The following FOXP2 variants were observed in gnomAD, a reference collection of about 807,000 sequenced individuals.
The protein encoded by FOXP2 is forkhead box P2, also known as forkhead box protein P2.
FOXP2 carries 12 observed loss-of-function variants against 115.8 expected under a neutral mutation model. The ratio of observed to expected loss-of-function variants is 0.10; its 90% CI spans 0.07 to 0.17. FOXP2 has a LOEUF of 0.17. Ranked by LOEUF, FOXP2 falls within the 10% of genes least tolerant of loss-of-function variation. The pLI, the probability that FOXP2 is intolerant of heterozygous loss-of-function variation, is 1.00. For synonymous variants in FOXP2, 328 were observed against 297.7 expected, an observed-to-expected ratio of 1.10 and a Z score of -1.05; for missense variants, 629 against 843.5, an observed-to-expected ratio of 0.75 and a Z score of 3.15.
chr7:114,259,013 A>G (rs1795685601), intron 1 of FOXP2, among the ~76,000 whole-genome samples: 1 of 152,178 alleles, frequency 6.6e-6, no homozygotes, highest in African/African-American at 2.4e-5. Flanking sequence ...AGAGTATGTT[A>G]GAGGTCCCAG....
intron 1 of FOXP2, among the ~76,000 whole-genome samples, chr7:114,256,273 T>TG (rs1795610720): frequency 6.6e-6 from 1 of 152,060 alleles, no homozygotes; most frequent in African/African-American, 2.4e-5. Context: ...TGGCTAATTT[T>TG]TTTGTATTTT....
intron 2 of FOXP2, among the ~76,000 whole-genome samples, chr7:114,431,681 A>G (rs1794120044): frequency 6.6e-6 from 1 of 151,910 alleles, no homozygotes; most frequent in Non-Finnish European, 1.5e-5. Flanking sequence ...CTGTAATTGT[A>G]ATTTTTATTA....
At chr7:114,096,612 C>T (rs996138280) in intron 1 of FOXP2, among the ~76,000 whole-genome samples, 6 of 152,066 alleles carry the variant, frequency 3.9e-5, no homozygotes, top group African/African-American at 1.4e-4. Context: ...ACATCTCATT[C>T]CCATTGGGCT....
intron 1 of FOXP2, among the ~76,000 whole-genome samples, chr7:114,112,917 C>T (rs553956526): frequency 3.3e-5 from 5 of 152,012 alleles, no homozygotes; most frequent in Admixed American, 6.6e-5. Context: ...TCATTTCATC[C>T]GGTTGTCTTC....
At chr7:114,420,044 C>T (rs1261935260) in intron 1 of FOXP2, among the ~76,000 whole-genome samples, 2 of 151,784 alleles carry the variant, frequency 1.3e-5, no homozygotes, top group Admixed American at 6.6e-5. Context: ...AATGAGGATC[C>T]GTGGAAGAGC....
chr7:114,373,591 A>G (rs1268211845), intron 2 of FOXP2, among the ~76,000 whole-genome samples: 1 of 152,230 alleles, frequency 6.6e-6, no homozygotes, highest in Non-Finnish European at 1.5e-5. Context: ...AAGGAAATTT[A>G]CAAGTTGTTG....
chr7:114,409,900 C>T (rs1793123879), upstream of FOXP2, among the ~76,000 whole-genome samples: 1 of 152,046 alleles, frequency 6.6e-6, no homozygotes. Context: ...CAGTTTCAGA[C>T]CTAACTCACC....
intron 3 of FOXP2, 137 bp downstream of exon 3, chr7:114,534,843 T>C: frequency 1.4e-6 from 1 of 714,170 alleles, no homozygotes; most frequent in Non-Finnish European, 2.5e-6. Flanking sequence ...ATAAAGAGAA[T>C]TCATTTTATC....
At chr7:114,308,925 T>C (rs939965322) in intron 2 of FOXP2, among the ~76,000 whole-genome samples, 1 of 152,168 alleles carries the variant, frequency 6.6e-6, no homozygotes, top group African/African-American at 2.4e-5. Context: ...AAAAGACCGA[T>C]ATAGTCAATT....
chr7:114,680,676 C>T (rs549087930), intron 16 of FOXP2, among the ~76,000 whole-genome samples: 7 of 150,604 alleles, frequency 4.6e-5, no homozygotes, highest in Non-Finnish European at 8.8e-5. Context: ...CCCGGGAAGG[C>T]GGAGGTTGCA....
At chr7:114,646,560 T>G (rs568437480) in intron 8 of FOXP2, among the ~76,000 whole-genome samples, 2 of 152,194 alleles carry the variant, frequency 1.3e-5, no homozygotes, top group African/African-American at 4.8e-5. Flanking sequence ...TGACCATTTT[T>G]CCAACCCATT....
intron 2 of FOXP2, among the ~76,000 whole-genome samples, chr7:114,522,058 G>A (rs1798649951): frequency 6.6e-6 from 1 of 152,162 alleles, no homozygotes; most frequent in Non-Finnish European, 1.5e-5. Flanking sequence ...GGTTATAAAA[G>A]ATGATTTAGA....
At chr7:114,327,345 T>C (rs1013280435) in intron 2 of FOXP2, among the ~76,000 whole-genome samples, 1 of 152,178 alleles carries the variant, frequency 6.6e-6, no homozygotes, top group African/African-American at 2.4e-5. Flanking sequence ...TTAAAATTCT[T>C]ATCTGGTCTA....
At chr7:114,612,253 G>A (rs563293388) in intron 3 of FOXP2, among the ~76,000 whole-genome samples, 3 of 152,008 alleles carry the variant, frequency 2.0e-5, no homozygotes, top group Admixed American at 6.6e-5. Flanking sequence ...CCTATATTAC[G>A]CCCAGCTGCC....
chr7:114,172,419 T>G (rs1049597677), intron 1 of FOXP2, among the ~76,000 whole-genome samples: 1 of 152,160 alleles, frequency 6.6e-6, no homozygotes, highest in Non-Finnish European at 1.5e-5. Flanking sequence ...CTATGATATT[T>G]TAATGTTGGA....
intron 2 of FOXP2, among the ~76,000 whole-genome samples, chr7:114,312,289 C>G (rs1321361426): frequency 6.6e-6 from 1 of 152,062 alleles, no homozygotes; most frequent in Admixed American, 6.5e-5. Flanking sequence ...ATTCTTTTTG[C>G]TTTTAGAAGA....
At chr7:114,185,324 G>A (rs549664043) in intron 1 of FOXP2, among the ~76,000 whole-genome samples, 12 of 152,128 alleles carry the variant, frequency 7.9e-5, no homozygotes, top group African/African-American at 2.9e-4. Flanking sequence ...AGTAATACCT[G>A]ACTCTGGGCT....
intron 3 of FOXP2, among the ~76,000 whole-genome samples, chr7:114,599,606 T>C (rs1802913717): frequency 6.6e-6 from 1 of 152,052 alleles, no homozygotes; most frequent in Non-Finnish European, 1.5e-5. Context: ...TAGTATAACT[T>C]TTTTTTATAA....
In FOXP2 at chr7:114,656,604, A is replaced by G. The variant is rs1312674778; in HGVS notation, c.1267-1462A>G. The stretch of plus-strand genomic sequence containing the variant: ...CTCAGCTTTCATTTATGTACGTAAC[A>G]AAGAATTCCCTACCCAGTCTGCTGG... On this transcript the variant is annotated intron_variant, in intron 10 of 16. Transcript: ENST00000350908. 7 of 378,672 alleles carry G rather than the reference A, an allele frequency of 1.8e-5. No individual in the cohort carries two copies. The East Asian group carries it at 5.8e-4, about 31-fold the overall frequency. The allele number at this position is 378,672 out of a possible 1,614,324, so 23.5% of individuals were successfully genotyped here. A position where few individuals can be genotyped will look rare whatever the true frequency, so the allele number is the denominator to read the frequency against.
Sources: gnomAD v4.1 joint callset for allele counts (sites outside exome capture counted in the v4.1 genomes callset) on GRCh38, gnomAD v4.1.1 for gene constraint, MANE v1.5 for transcripts, NCBI Gene and HGNC (gene_info 2026-07-23, HGNC 2026-07-21) for gene names.